The following COL27A1 variants were observed in gnomAD, a reference collection of about 807,000 sequenced individuals.
The protein encoded by COL27A1 is collagen type XXVII alpha 1 chain.
COL27A1 carries 106 observed loss-of-function variants against 251.3 expected under a neutral mutation model. The ratio of observed to expected loss-of-function variants is 0.42; its 90% CI spans 0.36 to 0.50. COL27A1 has a LOEUF of 0.50. Among genes scored for constraint, COL27A1 ranks in the 20% least tolerant of loss-of-function variants. COL27A1 has a pLI of 0.00. For synonymous variants in COL27A1, 1,000 were observed against 986.3 expected (o/e 1.01, Z -0.26); for missense variants, 2,325 against 2,522.8 (o/e 0.92, Z 1.68).
intron 29 of COL27A1, among the ~76,000 whole-genome samples, chr9:114,264,610 A>G (rs777193868): frequency 2.6e-5 from 4 of 152,120 alleles, no homozygotes; most frequent in Non-Finnish European, 4.4e-5. Context: ...AAAGCAAGAA[A>G]GGAGGAGGGA....
intron 45 of COL27A1, among the ~76,000 whole-genome samples, chr9:114,289,792 C>A (rs1827781535): frequency 6.6e-6 from 1 of 152,052 alleles, no homozygotes; most frequent in African/African-American, 2.4e-5. Context: ...TCTAAAAGAT[C>A]CAGTGGAACT....
intron 14 of COL27A1, among the ~76,000 whole-genome samples, chr9:114,230,283 G>T (rs564311651): frequency 6.6e-6 from 1 of 152,052 alleles, no homozygotes; most frequent in Non-Finnish European, 1.5e-5. Context: ...ACAGAGGGAC[G>T]GTGTGGAGTT....
intron 27 of COL27A1, among the ~76,000 whole-genome samples, chr9:114,257,802 G>A (rs918488001): frequency 2.0e-5 from 3 of 152,130 alleles, no homozygotes; most frequent in African/African-American, 7.2e-5. Flanking sequence ...GAAAATATTG[G>A]GTGTCAGGGT....
chr9:114,285,300 G>C (rs943153813), intron 41 of COL27A1, among the ~76,000 whole-genome samples: 4 of 152,118 alleles, frequency 2.6e-5, no homozygotes, highest in Admixed American at 6.5e-5. Context: ...GTAGAGGAGA[G>C]GAATTGCTGG....
At chr9:114,216,675 C>T (rs1830733837) in intron 12 of COL27A1, among the ~76,000 whole-genome samples, 1 of 152,138 alleles carries the variant, frequency 6.6e-6, no homozygotes, top group Admixed American at 6.5e-5. Context: ...AGATTTGTTC[C>T]AGCACCTTTA....
Position 114,283,232 on chromosome 9 carries a change from G to A in COL27A1, c.3880-477G>A, listed in dbSNP as rs144883053. 7.9e-4 allele frequency among the ~76,000 whole-genome samples: 121 copies of A among 152,310 alleles called. 1 individual carries two copies. The highest frequency in any genetic ancestry group is 2.8e-3 in the African/African-American group (116 of 41,554). Reference sequence around the variant, plus strand: ...ATGACGTCACTGAATGCAGAGTGGGGAGGAGTTACACGGCAGCCCTCCCTT... The same window carrying A: ...ATGACGTCACTGAATGCAGAGTGGGAAGGAGTTACACGGCAGCCCTCCCTT... On this transcript the variant is annotated intron_variant, in intron 39 of 60. Coordinates refer to ENST00000356083, the MANE Select transcript of COL27A1 (RefSeq NM_032888.4).
At chr9:114,170,342 C>T (rs1274385376) in intron 3 of COL27A1, among the ~76,000 whole-genome samples, 1 of 152,230 alleles carries the variant, frequency 6.6e-6, no homozygotes, top group Non-Finnish European at 1.5e-5. Context: ...GGGCAACGAC[C>T]TTCCCACAGC....
upstream of COL27A1, among the ~76,000 whole-genome samples, chr9:114,155,313 G>A (rs540363025): frequency 1.1e-4 from 16 of 152,128 alleles, no homozygotes; most frequent in South Asian, 3.1e-3. This position sits in a 1 kb window ranked among gnomAD's most constrained non-coding sequence, Gnocchi z 5.5. Flanking sequence ...GTGAAGCCCT[G>A]GGCAGCCCCT....
At chr9:114,206,492 A>G (rs556938619) in intron 10 of COL27A1, among the ~76,000 whole-genome samples, 196 bp downstream of exon 10, 5 of 152,352 alleles carry the variant, frequency 3.3e-5, no homozygotes, top group African/African-American at 1.2e-4. Context: ...CTTGGTCCCC[A>G]TGGCCAAGAA....
intron 28 of COL27A1, among the ~76,000 whole-genome samples, chr9:114,263,894 A>T (rs752891739): frequency 6.6e-6 from 1 of 152,178 alleles, no homozygotes; most frequent in Non-Finnish European, 1.5e-5. Flanking sequence ...TGGGAAGGAC[A>T]TGCAGGTTCT....
intron 1 of COL27A1, among the ~76,000 whole-genome samples, chr9:114,157,106 A>AGCGCGCG (rs1848175938): frequency 4.1e-5 from 6 of 147,946 alleles, no homozygotes; most frequent in African/African-American, 1.5e-4. Flanking sequence ...ACACACACAT[A>AGCGCGCG]CGCGCGCGCG....
intron 7 of COL27A1, among the ~76,000 whole-genome samples, chr9:114,202,769 T>C (rs1175722785): frequency 6.6e-6 from 1 of 152,088 alleles, no homozygotes; most frequent in Non-Finnish European, 1.5e-5. Flanking sequence ...CCTTTCTCCA[T>C]GGAGCCAGCC....
Position 114,155,916 on chromosome 9 carries a change from C to A in COL27A1, c.-35C>A. 1 of 1,214,676 alleles carries A rather than the reference C, an allele frequency of 8.2e-7. No homozygotes were observed. Among genetic ancestry groups the A allele is most frequent in the Non-Finnish European group, 1.0e-6 (1 of 973,874 alleles). 75.2% of individuals were successfully genotyped at this position (1,214,676 alleles called of 1,614,324 possible). A position where few individuals can be genotyped will look rare whatever the true frequency, so the allele number is the denominator to read the frequency against. ...CCCCATGGGGCGCGCCCACACTTGCCCCCCGGGCTCGGGAGCATGAAGTAG... is the reference window on the plus strand; with the variant it reads ...CCCCATGGGGCGCGCCCACACTTGCACCCCGGGCTCGGGAGCATGAAGTAG... On this transcript the variant is annotated 5_prime_UTR_variant, in exon 1 of 61. Coordinates refer to ENST00000356083, the MANE Select transcript of COL27A1 (RefSeq NM_032888.4). This position sits in a 1 kb window ranked among gnomAD's most constrained non-coding sequence, Gnocchi z 5.5.
intron 56 of COL27A1, among the ~76,000 whole-genome samples, chr9:114,303,502 G>A (rs2131674278): frequency 6.6e-6 from 1 of 152,308 alleles, no homozygotes; most frequent in East Asian, 1.9e-4. Flanking sequence ...GCCTCCCAAA[G>A]TGCTGGGATT....
chr9:114,246,036 T>G (rs1588755186), intron 24 of COL27A1, 126 bp downstream of exon 24: 1 of 775,032 alleles, frequency 1.3e-6, no homozygotes, highest in South Asian at 1.8e-5. Flanking sequence ...CAGAGGTAGG[T>G]TCAGTCCTCT....
intron 5 of COL27A1, among the ~76,000 whole-genome samples, chr9:114,186,511 C>T (rs1228886282): frequency 6.6e-6 from 1 of 152,114 alleles, no homozygotes; most frequent in Non-Finnish European, 1.5e-5. Flanking sequence ...ATGTGAGAGG[C>T]CCGGAGTGCT....
intron 59 of COL27A1, 126 bp downstream of exon 59, chr9:114,307,904 A>T (rs933715858): frequency 6.3e-6 from 4 of 630,066 alleles, no homozygotes; most frequent in African/African-American, 5.6e-5. Flanking sequence ...TGGGAAAGTT[A>T]TCGCCTCCTT....
intron 10 of COL27A1, 97 bp downstream of exon 10, chr9:114,206,393 A>T: frequency 8.0e-7 from 1 of 1,251,724 alleles, no homozygotes; most frequent in East Asian, 2.4e-5. Flanking sequence ...CTATAAGGAG[A>T]GCCAAGGCCC....
rs1471212932 is a variant in COL27A1, at chr9:114,208,116, T to C, written c.2269-1559T>C. On this transcript the variant is annotated intron_variant, in intron 10 of 60. Transcript: ENST00000356083. ...GCTTCACCCCTCTGGGCCTAAATGGTCTTACCTCTACAGGGGGCTGAGTAA... is the reference window on the plus strand; with the variant it reads ...GCTTCACCCCTCTGGGCCTAAATGGCCTTACCTCTACAGGGGGCTGAGTAA... 2.0e-5 allele frequency among the ~76,000 whole-genome samples: 3 copies of C among 152,166 alleles called. No individual in the cohort carries two copies. In the East Asian group the frequency reaches 5.8e-4, roughly 29 times the overall value.
Sources: gnomAD v4.1 joint callset for allele counts (sites outside exome capture counted in the v4.1 genomes callset) on GRCh38, gnomAD v4.1.1 for gene constraint, Gnocchi (gnomAD v3.1) non-coding constraint, MANE v1.5 for transcripts, NCBI Gene and HGNC (gene_info 2026-07-23, HGNC 2026-07-21) for gene names.